The following RUNX1T1 variants were observed in gnomAD, a reference collection of about 807,000 sequenced individuals.
The protein encoded by RUNX1T1 is RUNX1 partner transcriptional co-repressor 1.
In RUNX1T1, 4 loss-of-function variants were observed where a neutral mutation model predicts 62.8. The observed-to-expected ratio is 0.06, with a 90% confidence interval of 0.03 to 0.15. RUNX1T1 has a LOEUF of 0.15. Among genes scored for constraint, RUNX1T1 ranks in the 10% least tolerant of loss-of-function variants. The pLI, the probability that RUNX1T1 is intolerant of heterozygous loss-of-function variation, is 1.00. For missense variants in RUNX1T1, 508 were observed against 754.3 expected (o/e 0.67, Z 3.82); for synonymous variants, 291 against 286.0 (o/e 1.02, Z -0.18).
chr8:91,967,851 T>G (rs1292624989), intron 10 of RUNX1T1, among the ~76,000 whole-genome samples: 1 of 152,052 alleles, frequency 6.6e-6, no homozygotes, highest in Admixed American at 6.6e-5. Flanking sequence ...TTACAATAGG[T>G]GGTGGCTTCA....
At chr8:92,019,041 AAGT>A (rs1823570619) in intron 1 of RUNX1T1, 1 of 152,138 alleles carries the variant, frequency 6.6e-6, no homozygotes, top group African/African-American at 2.4e-5. Context: ...TACAACCAGT[AAGT>A]CACTTATTCT....
intron 1 of RUNX1T1, among the ~76,000 whole-genome samples, chr8:92,086,869 T>C (rs1836204330): frequency 6.6e-6 from 1 of 152,212 alleles, no homozygotes; most frequent in Non-Finnish European, 1.5e-5. Flanking sequence ...GTCATCCTTC[T>C]GCAATATCTA....
At chr8:92,046,537 T>C (rs554768859) in intron 1 of RUNX1T1, among the ~76,000 whole-genome samples, 3 of 152,060 alleles carry the variant, frequency 2.0e-5, no homozygotes, top group Non-Finnish European at 2.9e-5. Flanking sequence ...CCAATTTCTT[T>C]ATTTTTAGTA....
chr8:92,079,816 G>A lies in RUNX1T1; in HGVS notation c.-85-3679C>T, dbSNP rs192348399. Among the ~76,000 whole-genome samples the A allele has an allele frequency of 2.1e-3, 326 of 152,226 alleles. 2 individuals carry two copies. The highest frequency in any genetic ancestry group is 7.4e-3 in the African/African-American group (307 of 41,522). On this transcript the variant is annotated intron_variant, in intron 1 of 11. Coordinates refer to the RUNX1T1 transcript ENST00000265814. ...TCTCTGGCTGGATAAACTCCCTGAT[G>A]GAACACTTCCTCTCATGCTGGTGGC... is the stretch of plus-strand genomic sequence containing the variant.
chr8:92,066,199 C>T (rs1231720878), upstream of RUNX1T1, among the ~76,000 whole-genome samples: 2 of 152,162 alleles, frequency 1.3e-5, no homozygotes, highest in Non-Finnish European at 2.9e-5. Context: ...GATCACCCAA[C>T]GAGCATTGAT....
chr8:92,042,443 G>T (rs1038102180), intron 1 of RUNX1T1, among the ~76,000 whole-genome samples: 3 of 152,160 alleles, frequency 2.0e-5, no homozygotes, highest in Admixed American at 2.0e-4. Flanking sequence ...CCTTCTGACC[G>T]ACTGGCTAGG....
intron 1 of RUNX1T1, among the ~76,000 whole-genome samples, chr8:92,086,751 T>C (rs1353013846): frequency 6.6e-6 from 1 of 152,222 alleles, no homozygotes; most frequent in Non-Finnish European, 1.5e-5. Context: ...TTGGTATTAA[T>C]AACTTCCCCC....
chr8:91,960,247 G>A (rs1221874209), exon 11 of RUNX1T1: 2 of 1,608,306 alleles, frequency 1.2e-6, no homozygotes, highest in Non-Finnish European at 1.7e-6. Flanking sequence ...CACGTCTAGC[G>A]AGGGGTTGTC....
intron 1 of RUNX1T1, among the ~76,000 whole-genome samples, chr8:92,053,361 C>T (rs1830521909): frequency 6.6e-6 from 1 of 152,100 alleles, no homozygotes; most frequent in Admixed American, 6.6e-5. Flanking sequence ...AAACATTATA[C>T]CCATCCTCCA....
chr8:92,038,049 T>G (rs1261194248), intron 1 of RUNX1T1, among the ~76,000 whole-genome samples: 1 of 151,516 alleles, frequency 6.6e-6, no homozygotes, highest in Non-Finnish European at 1.5e-5. Context: ...AATTCTTCTT[T>G]ATTTATTTAT....
upstream of RUNX1T1, among the ~76,000 whole-genome samples, chr8:92,101,957 G>A (rs1478161617): frequency 6.6e-6 from 1 of 152,192 alleles, no homozygotes; most frequent in African/African-American, 2.4e-5. Flanking sequence ...CACCAGAGGG[G>A]TTTCTGGAAA....
chr8:92,023,170 T>C (rs891496333), intron 1 of RUNX1T1, among the ~76,000 whole-genome samples: 1 of 152,212 alleles, frequency 6.6e-6, no homozygotes, highest in African/African-American at 2.4e-5. Flanking sequence ...AGGGAGCAAA[T>C]AGTCCCTTCT....
At chr8:92,042,205 CATG>C (rs765198327) in intron 1 of RUNX1T1, among the ~76,000 whole-genome samples, 23 of 152,176 alleles carry the variant, frequency 1.5e-4, no homozygotes, top group Non-Finnish European at 2.9e-4. Context: ...CCTATGATAT[CATG>C]ATGATACGCA....
chr8:92,084,623 A>G (rs1563927124), intron 1 of RUNX1T1, among the ~76,000 whole-genome samples: 1 of 152,214 alleles, frequency 6.6e-6, no homozygotes, highest in Non-Finnish European at 1.5e-5. Flanking sequence ...ACAAACCAGC[A>G]GAGAAGTCTG....
At chr8:91,975,525 T>C (rs2920464) in intron 9 of RUNX1T1, among the ~76,000 whole-genome samples, 24,480 of 150,950 alleles carry the variant, frequency 0.16, 2,377 homozygotes, top group Non-Finnish European at 0.22. Context: ...GGCTGAAGTA[T>C]GCAATTTAAT....
In RUNX1T1 at chr8:92,059,378, T is replaced by A. The variant is rs540451833; in HGVS notation, c.7+3168A>T. On this transcript the variant is annotated intron_variant, in intron 1 of 10. Coordinates refer to ENST00000396218, the Ensembl canonical transcript of RUNX1T1. ...CAGTTACTAGGGATACTAACAGTTG[T>A]CTGTCCATGGCAATTTCATTTCTGT... Among the ~76,000 whole-genome samples, 6 of 152,328 alleles carry A rather than the reference T, an allele frequency of 3.9e-5. 1 individual carries two copies. The South Asian group carries it at 1.2e-3, about 32-fold the overall frequency.
At chr8:91,997,558 T>C (rs1387315358) in intron 5 of RUNX1T1, among the ~76,000 whole-genome samples, 4 of 152,234 alleles carry the variant, frequency 2.6e-5, no homozygotes, top group African/African-American at 9.6e-5. Flanking sequence ...ACTGGCCTCA[T>C]TTCTCTTTTG....
At chr8:92,003,455 G>A (rs1820149580) in intron 5 of RUNX1T1, 27 of 447,832 alleles carry the variant, frequency 6.0e-5, no homozygotes, top group South Asian at 4.3e-4. Flanking sequence ...CAGAATGCCA[G>A]AGTAAGTTGT....
chr8:92,079,830 C>A (rs780129558), intron 1 of RUNX1T1, among the ~76,000 whole-genome samples: 1 of 152,160 alleles, frequency 6.6e-6, no homozygotes, highest in Non-Finnish European at 1.5e-5. Flanking sequence ...CACTTCCTCT[C>A]ATGCTGGTGG....
Sources: allele counts gnomAD v4.1 joint callset (sites outside exome capture counted in the v4.1 genomes callset), GRCh38; gene constraint gnomAD v4.1.1; transcripts MANE v1.5; gene names NCBI Gene and HGNC (gene_info 2026-07-23, HGNC 2026-07-21).